Variants in PTPRA observed in about 807,000 individuals in gnomAD.
The protein encoded by PTPRA is receptor-type tyrosine-protein phosphatase alpha.
PTPRA carries 25 observed loss-of-function variants against 104.8 expected under a neutral mutation model. That is an observed-to-expected ratio of 0.24 (90% CI 0.17 to 0.33). The LOEUF is 0.33. Among genes scored for constraint, PTPRA ranks in the 10% least tolerant of loss-of-function variants. The pLI, the probability that PTPRA is intolerant of heterozygous loss-of-function variation, is 1.00. For synonymous variants in PTPRA, 323 were observed against 368.9 expected (o/e 0.88, Z 1.43); for missense variants, 765 against 1,015.3 (o/e 0.75, Z 3.35).
chr20:2,961,343 TGTGTA>T (rs1273650231), intron 3 of PTPRA, among the ~76,000 whole-genome samples: 1 of 152,220 alleles, frequency 6.6e-6, no homozygotes, highest in Non-Finnish European at 1.5e-5. Context: ...TTTTCATAGA[TGTGTA>T]GTGGTATCCC....
In PTPRA at chr20:2,886,332, GA is replaced by G. The variant is rs1409801742; in HGVS notation, c.-129+12574del. On this transcript the variant is annotated intron_variant, in intron 1 of 23. Transcript: ENST00000399903. Reference sequence around the variant, plus strand: ...TTGGATGAAATGATGTTGATATCTGGAATTTGCTTTAAAATAATTCAGCATG... The same window carrying G: ...TTGGATGAAATGATGTTGATATCTGGATTTGCTTTAAAATAATTCAGCATG... 2.6e-5 allele frequency among the ~76,000 whole-genome samples: 4 copies of G among 152,088 alleles called. No individual in the cohort carries two copies. The East Asian group carries it at 7.7e-4, about 29-fold the overall frequency.
At chr20:2,906,877 A>G (rs1417150816) in intron 1 of PTPRA, among the ~76,000 whole-genome samples, 2 of 152,186 alleles carry the variant, frequency 1.3e-5, no homozygotes, top group Non-Finnish European at 2.9e-5. Context: ...TATATTATTC[A>G]TTGCTGCTTA....
chr20:3,015,760 T>C (rs759295030), intron 11 of PTPRA, 89 bp from the exon 12 acceptor site: 40 of 1,118,110 alleles, frequency 3.6e-5, no homozygotes, highest in Middle Eastern at 3.9e-4. Context: ...TTTTCAGGTT[T>C]TGTTAACTGG....
At chr20:3,007,223 C>G (rs562838091) in intron 10 of PTPRA, 121 bp from the exon 11 acceptor site, 7 of 878,912 alleles carry the variant, frequency 8.0e-6, no homozygotes, top group South Asian at 3.5e-5. Flanking sequence ...GTTGGAGTGG[C>G]ATCTTTATAC....
At chr20:2,964,811 T>C (rs1271824736) in intron 4 of PTPRA, 50 bp from the exon 5 acceptor site, 3 of 1,488,420 alleles carry the variant, frequency 2.0e-6, no homozygotes, top group East Asian at 4.5e-5. Context: ...TCACAGCTTT[T>C]TAGCCTCACA....
the PTPRA span, chr20:2,864,986 G>A: frequency 2.5e-6 from 4 of 1,614,162 alleles, no homozygotes; most frequent in Non-Finnish European, 3.4e-6. This position sits in a 1 kb window ranked among gnomAD's most constrained non-coding sequence, Gnocchi z 5.2. Flanking sequence ...AGCGTATTGA[G>A]GGGCGAGTAG....
At chr20:2,865,544 G>A in the PTPRA span, 1,430 of 1,552,210 alleles carry the variant, frequency 9.2e-4, 12 homozygotes, top group African/African-American at 0.018. This position sits in a 1 kb window ranked among gnomAD's most constrained non-coding sequence, Gnocchi z 5.2. Flanking sequence ...GGTAGTCTTC[G>A]GGAGAGAGGG....
At chr20:3,034,533 G>A (rs1453745072) in intron 20 of PTPRA, among the ~76,000 whole-genome samples, 5 of 151,238 alleles carry the variant, frequency 3.3e-5, no homozygotes, top group African/African-American at 9.7e-5. Flanking sequence ...ATGCCTGATC[G>A]AGGTGAGCCT....
chr20:2,986,978 T>C, intron 7 of PTPRA, 129 bp downstream of exon 7: 2 of 827,962 alleles, frequency 2.4e-6, no homozygotes, highest in African/African-American at 1.7e-5. Context: ...TGACCCATGA[T>C]AGTGCTAAAA....
chr20:3,019,230 G>A (rs1384010860), intron 13 of PTPRA, among the ~76,000 whole-genome samples: 33 of 145,486 alleles, frequency 2.3e-4, no homozygotes, highest in Admixed American at 8.0e-4. Context: ...CTCCCGGACG[G>A]GGCGGCTGGC....
intron 20 of PTPRA, among the ~76,000 whole-genome samples, chr20:3,032,488 C>T (rs1568710203): frequency 6.6e-6 from 1 of 152,256 alleles, no homozygotes; most frequent in Non-Finnish European, 1.5e-5. Flanking sequence ...TGGCTTTCGG[C>T]CGGGCGCGGT....
chr20:2,975,061 A>G (rs770036563), intron 5 of PTPRA, among the ~76,000 whole-genome samples, 154 bp from the exon 6 acceptor site: 5 of 152,208 alleles, frequency 3.3e-5, no homozygotes, highest in Admixed American at 6.5e-5. Flanking sequence ...TCCAAAGTTT[A>G]GTGAATCTGG....
intron 1 of PTPRA, among the ~76,000 whole-genome samples, chr20:2,905,283 A>AT (rs2059383682): frequency 6.6e-6 from 1 of 152,230 alleles, no homozygotes; most frequent in Non-Finnish European, 1.5e-5. Flanking sequence ...GAGACCGCTG[A>AT]TAATAGAGTA....
rs779268141 is a variant in PTPRA, at chr20:3,027,157, G to T, written c.1745G>T (p.Gly582Val). 1 of 1,614,090 alleles carries T rather than the reference G, an allele frequency of 6.2e-7. No homozygotes were observed. The highest frequency in any genetic ancestry group is 2.2e-5 in the East Asian group (1 of 44,900). Residue 582 changes from glycine to valine, a missense_variant, in exon 19 of 24, where the codon GGC becomes GTC. Gly to Val is a moderately radical substitution (Grantham distance 109, BLOSUM62 -3). This residue lies in a region of PTPRA where 192 missense variants were observed against 227.0 expected (regional missense o/e 0.85). Coordinates refer to ENST00000399903, the MANE Select transcript of PTPRA (RefSeq NM_001385305.1). ...FNRVIIPVKR[G>V]EENTDYVNAS... ...AGAGTGATCATTCCAGTTAAGCGGG[G>T]CGAAGAGAATACAGACTATGTGAAC...
rs2064935851 is a variant in PTPRA at position 3,022,639 on chromosome 20, C to T, written c.1329-50C>T. The T allele has an allele frequency of 2.5e-6, 4 of 1,610,010 alleles. No individual in the cohort carries two copies. In the South Asian group the frequency reaches 4.4e-5, roughly 18 times the overall value. ...CCTGTGTTGCCCCTCCCTATCTGCT[C>T]CCACAAGGCAGGCTGGCCATCCCTA... On this transcript the variant is annotated intron_variant, in intron 15 of 23. Coordinates refer to ENST00000399903, the MANE Select transcript of PTPRA (RefSeq NM_001385305.1). The surrounding 1 kb of genome is among the most constrained non-coding windows in gnomAD (Gnocchi z 4.6).
At chr20:3,023,442 C>CCCGAT (rs1212776510) in intron 16 of PTPRA, among the ~76,000 whole-genome samples, 1 of 152,054 alleles carries the variant, frequency 6.6e-6, no homozygotes, top group Non-Finnish European at 1.5e-5. Context: ...TGGTGTAAAA[C>CCCGAT]CCGATCGTAC....
chr20:3,010,129 C>T (rs1182846902), intron 11 of PTPRA, among the ~76,000 whole-genome samples: 4 of 150,834 alleles, frequency 2.7e-5, no homozygotes, highest in East Asian at 4.1e-4. Flanking sequence ...GGATTACAGG[C>T]GTGAGCCACC....
Position 3,038,159 on chromosome 20 carries a change from G to T in PTPRA, c.*26G>T. On this transcript the variant is annotated 3_prime_UTR_variant, in exon 24 of 24. Transcript: ENST00000399903. ...GCGGCAACAAGGGTCCGTGGACCAG[G>T]AGGATTGCCTTTAATATTTTGTAAT... is the stretch of plus-strand genomic sequence containing the variant. 6.4e-7 allele frequency: 1 copy of T among 1,569,788 alleles called. No individual in the cohort carries two copies. The highest frequency in any genetic ancestry group is 2.2e-5 in the East Asian group (1 of 44,688).
rs6084212 is a variant in PTPRA at position 2,950,952 on chromosome 20, C to T, written c.-7+2928C>T. On this transcript the variant is annotated intron_variant, in intron 3 of 23. Transcript: ENST00000399903. This position sits in a 1 kb window ranked among gnomAD's most constrained non-coding sequence, Gnocchi z 4.0. Reference sequence around the variant, plus strand: ...TTCTTGTGTCTTTTATAATCACTGCCTCTTGCCCCTGCCCACTCCCTCATC... The same window carrying T: ...TTCTTGTGTCTTTTATAATCACTGCTTCTTGCCCCTGCCCACTCCCTCATC... 6.6e-6 allele frequency among the ~76,000 whole-genome samples: 1 copy of T among 152,220 alleles called. No individual in the cohort carries two copies. The highest frequency in any genetic ancestry group is 1.9e-4 in the East Asian group (1 of 5,186).
Sources: allele counts gnomAD v4.1 joint callset (sites outside exome capture counted in the v4.1 genomes callset), GRCh38; gene constraint gnomAD v4.1.1; regional missense constraint gnomAD v4.1.1; non-coding constraint Gnocchi (gnomAD v3.1); transcripts MANE v1.5; gene names NCBI Gene and HGNC (gene_info 2026-07-23, HGNC 2026-07-21).